The following ERC2 variants were observed in gnomAD, a reference collection of about 807,000 sequenced individuals.
The protein encoded by ERC2 is ELKS/RAB6-interacting/CAST family member 2, also known as ERC protein 2.
ERC2 carries 42 observed loss-of-function variants against 114.8 expected under a neutral mutation model. That is an observed-to-expected ratio of 0.37 (90% CI 0.29 to 0.47). ERC2 has a LOEUF of 0.47. ERC2 is among the 20% of genes least tolerant of loss of function. The pLI is 0.99. For synonymous variants in ERC2, 454 were observed against 425.5 expected (o/e 1.07, Z -0.82); for missense variants, 939 against 1,150.7 (o/e 0.82, Z 2.66).
chr3:56,134,557 C>G (rs912133961), intron 6 of ERC2, among the ~76,000 whole-genome samples: 1 of 151,964 alleles, frequency 6.6e-6, no homozygotes, highest in Non-Finnish European at 1.5e-5. Flanking sequence ...ATGTATGTGC[C>G]CATGTGGATT....
rs550948207 is a variant in ERC2, at chr3:55,930,242, AAAATAAATAAAT to A, written c.2403+20171_2403+20182del. 1.8e-4 allele frequency among the ~76,000 whole-genome samples: 28 copies of A among 151,964 alleles called. No individual in the cohort carries two copies. The South Asian group carries it at 2.3e-3, about 12-fold the overall frequency. The stretch of plus-strand genomic sequence containing the variant: ...TGACAGAGTGAGACTCCGTCTCAAG[AAAATAAATAAAT>A]AAATAAATAAATAAATAACCCAGTC... On this transcript the variant is annotated intron_variant, in intron 13 of 17. Transcript: ENST00000288221.
In ERC2 at chr3:56,032,959, C is replaced by A. The variant is rs201681821; in HGVS notation, c.1642-13928G>T. 8.3e-3 allele frequency among the ~76,000 whole-genome samples: 321 copies of A among 38,558 alleles called. 3 individuals carry two copies. The highest frequency in any genetic ancestry group is 0.023 in the African/African-American group (231 of 9,996). The allele number at this position is 38,558 out of a possible 152,430, so 25.3% of individuals were successfully genotyped here. A position where few individuals can be genotyped will look rare whatever the true frequency, so the allele number is the denominator to read the frequency against. On this transcript the variant is annotated intron_variant, in intron 7 of 17. Transcript: ENST00000288221. ...AGAAAGAAAGAAAGAAAGAAAGAAA[C>A]AGAAAGAAAGAAAGAAAGAGAAAGA...
At chr3:56,379,342 G>C (rs2059663236) in intron 2 of ERC2, among the ~76,000 whole-genome samples, 1 of 151,996 alleles carries the variant, frequency 6.6e-6, no homozygotes, top group Non-Finnish European at 1.5e-5. Flanking sequence ...CAACCATATA[G>C]AGATGAAAAA....
At chr3:55,870,573 C>T (rs960357867) in intron 14 of ERC2, among the ~76,000 whole-genome samples, 1 of 152,136 alleles carries the variant, frequency 6.6e-6, no homozygotes, top group African/African-American at 2.4e-5. Context: ...GTCACAGAGC[C>T]AGCAGAGCAG....
rs2077546715 is a variant in ERC2 at position 56,087,176 on chromosome 3, CATTTGT to C, written c.1474-6198_1474-6193del. 5.5e-5 allele frequency among the ~76,000 whole-genome samples: 6 copies of C among 109,532 alleles called. No homozygotes were observed. The Admixed American group carries it at 5.6e-4, about 10-fold the overall frequency. The allele number at this position is 109,532 out of a possible 152,430, so 71.9% of individuals were successfully genotyped here. A position where few individuals can be genotyped will look rare whatever the true frequency, so the allele number is the denominator to read the frequency against. On this transcript the variant is annotated intron_variant, in intron 6 of 17. Transcript: ENST00000288221. ...GAGAATTGCTCATTTCCTTTTGATCCATTTGTGTGTGTGTGTGTGTGTGTGTGTGTG... is the reference window on the plus strand; with the variant it reads ...GAGAATTGCTCATTTCCTTTTGATCCGTGTGTGTGTGTGTGTGTGTGTGTG...
chr3:55,864,075 A>C (rs2062146409), intron 14 of ERC2, among the ~76,000 whole-genome samples: 1 of 148,714 alleles, frequency 6.7e-6, no homozygotes, highest in African/African-American at 2.5e-5. Context: ...AGTAGACTGC[A>C]GAAGACATAA....
chr3:56,412,518 C>G (rs1005063894), intron 2 of ERC2, among the ~76,000 whole-genome samples: 1 of 152,186 alleles, frequency 6.6e-6, no homozygotes, highest in Non-Finnish European at 1.5e-5. Context: ...TGTGGCAGAG[C>G]CAAGCCAGGC....
chr3:55,772,663 C>G (rs1438576561), intron 14 of ERC2, among the ~76,000 whole-genome samples: 1 of 151,950 alleles, frequency 6.6e-6, no homozygotes, highest in Admixed American at 6.6e-5. Context: ...AAGTTATCAC[C>G]CATCCTTTCC....
chr3:55,793,422 C>T (rs2070214826), intron 14 of ERC2, among the ~76,000 whole-genome samples: 1 of 152,154 alleles, frequency 6.6e-6, no homozygotes, highest in Admixed American at 6.5e-5. Flanking sequence ...CTTATAGTCA[C>T]TGCAGGACTG....
chr3:56,424,375 G>T (rs987986173), intron 2 of ERC2, among the ~76,000 whole-genome samples: 3 of 152,088 alleles, frequency 2.0e-5, no homozygotes, highest in African/African-American at 4.8e-5. Context: ...GTCTCCCAAG[G>T]TCCAGCACAC....
chr3:55,706,560 T>G (rs1302868105), intron 15 of ERC2, among the ~76,000 whole-genome samples: 1 of 151,532 alleles, frequency 6.6e-6, no homozygotes, highest in Non-Finnish European at 1.5e-5. Flanking sequence ...CCACTCCCAG[T>G]TATTTTATTT....
At chr3:55,565,091 C>T (rs1200915096) in intron 17 of ERC2, among the ~76,000 whole-genome samples, 2 of 152,176 alleles carry the variant, frequency 1.3e-5, no homozygotes, top group East Asian at 1.9e-4. Context: ...TTAAAGGAAC[C>T]TGGGACCCTG....
At position 56,381,459 on chromosome 3, in the gene ERC2, T is replaced by C. The variant is rs574701293; in HGVS notation, c.657+52892A>G. Among the ~76,000 whole-genome samples, 3 of 152,208 alleles carry C rather than the reference T, an allele frequency of 2.0e-5. No individual in the cohort carries two copies. In the East Asian group the frequency reaches 5.8e-4, roughly 29 times the overall value. ...CATCCTGTGAATACTGTATTCTCAA[T>C]CTGCATTCAGCTGAAAAAAAAATCC... On this transcript the variant is annotated intron_variant, in intron 2 of 17. Transcript: ENST00000288221.
intron 10 of ERC2, among the ~76,000 whole-genome samples, chr3:56,005,118 T>C (rs979918416): frequency 6.6e-6 from 1 of 152,088 alleles, no homozygotes; most frequent in African/African-American, 2.4e-5. Flanking sequence ...TAGACATAAA[T>C]ATATTTAAAT....
At chr3:56,141,540 A>G (rs1487592767) in intron 5 of ERC2, among the ~76,000 whole-genome samples, 3 of 152,194 alleles carry the variant, frequency 2.0e-5, no homozygotes, top group Admixed American at 1.3e-4. Context: ...TCAGGCCTCA[A>G]AGGGAAGAAT....
intron 13 of ERC2, among the ~76,000 whole-genome samples, chr3:55,914,535 A>T (rs1009003779): frequency 6.6e-6 from 1 of 152,038 alleles, no homozygotes. Flanking sequence ...TACACATACA[A>T]CTTGATTCTT....
intron 15 of ERC2, among the ~76,000 whole-genome samples, chr3:55,717,276 A>G (rs1382652330): frequency 6.6e-6 from 1 of 152,188 alleles, no homozygotes; most frequent in Non-Finnish European, 1.5e-5. Context: ...TTCCAACTTT[A>G]ATTTGACACT....
intron 17 of ERC2, among the ~76,000 whole-genome samples, chr3:55,630,555 T>C (rs1414307893): frequency 6.6e-6 from 1 of 152,220 alleles, no homozygotes; most frequent in Non-Finnish European, 1.5e-5. Flanking sequence ...ACACTGGTAC[T>C]TTTTGCAGAT....
At chr3:56,267,573 C>T (rs913178538) in intron 3 of ERC2, among the ~76,000 whole-genome samples, 1 of 149,834 alleles carries the variant, frequency 6.7e-6, no homozygotes, top group Non-Finnish European at 1.5e-5. Flanking sequence ...AGTTTGAGAC[C>T]AGGCTGGCCA....
Sources: gnomAD v4.1 joint callset for allele counts (sites outside exome capture counted in the v4.1 genomes callset) on GRCh38, gnomAD v4.1.1 for gene constraint, MANE v1.5 for transcripts, NCBI Gene and HGNC (gene_info 2026-07-23, HGNC 2026-07-21) for gene names.